The following RAPGEF4 variants were observed in gnomAD, a reference collection of about 807,000 sequenced individuals.
RAPGEF4 encodes RAP guanine-nucleotide-exchange factor (GEF) 4.
In RAPGEF4, 66 loss-of-function variants were observed where a neutral mutation model predicts 147.9. That is an observed-to-expected ratio of 0.45 (90% CI 0.37 to 0.55). The LOEUF (loss-of-function observed/expected upper bound fraction) is 0.55, where lower values mean the gene tolerates loss of function less well. Among genes scored for constraint, RAPGEF4 ranks in the 20% least tolerant of loss-of-function variants. The pLI, the probability that RAPGEF4 is intolerant of heterozygous loss-of-function variation, is 0.00. For missense variants in RAPGEF4, 1,071 were observed against 1,257.3 expected (o/e 0.85, Z 2.24); for synonymous variants, 419 against 442.7 (o/e 0.95, Z 0.67).
chr2:172,999,041 C>T (rs1282708557), intron 16 of RAPGEF4, among the ~76,000 whole-genome samples: 1 of 152,046 alleles, frequency 6.6e-6, no homozygotes, highest in Non-Finnish European at 1.5e-5. Context: ...AATTACTGTT[C>T]CTTGCAGAGC....
chr2:172,971,369 A>C (rs10497388), intron 10 of RAPGEF4, among the ~76,000 whole-genome samples: 5,943 of 152,274 alleles, frequency 0.039, 166 homozygotes, highest in South Asian at 0.067. Flanking sequence ...CCAAATCAAA[A>C]TTTAGGTCTG....
chr2:172,969,935 G>A (rs949619470), intron 10 of RAPGEF4, among the ~76,000 whole-genome samples: 2 of 151,988 alleles, frequency 1.3e-5, no homozygotes, highest in African/African-American at 2.4e-5. Flanking sequence ...CCATTATATC[G>A]CTAGTTGTTA....
At chr2:172,923,321 T>C (rs2150057861) in intron 6 of RAPGEF4, among the ~76,000 whole-genome samples, 1 of 152,238 alleles carries the variant, frequency 6.6e-6, no homozygotes, top group South Asian at 2.1e-4. Context: ...CAGGCTGGAG[T>C]GCAGTGGTGC....
intron 22 of RAPGEF4, 25 bp downstream of exon 22, chr2:173,018,827 G>C: frequency 6.2e-7 from 1 of 1,606,808 alleles, no homozygotes; most frequent in Non-Finnish European, 8.5e-7. Flanking sequence ...TCATATTTTA[G>C]GCTCTGCAAA....
chr2:172,880,195 C>A (rs1213233434), intron 4 of RAPGEF4, among the ~76,000 whole-genome samples: 8 of 152,188 alleles, frequency 5.3e-5, no homozygotes, highest in Non-Finnish European at 8.8e-5. Context: ...CCTCACTTCC[C>A]TGATGCCCCA....
intron 4 of RAPGEF4, among the ~76,000 whole-genome samples, chr2:172,847,843 A>G (rs1042136864): frequency 2.6e-5 from 4 of 152,214 alleles, no homozygotes; most frequent in Admixed American, 2.0e-4. Flanking sequence ...TAGCCTTGTC[A>G]TCTTGGGACA....
intron 4 of RAPGEF4, among the ~76,000 whole-genome samples, chr2:172,871,536 A>G (rs954282438): frequency 2.6e-5 from 4 of 152,068 alleles, no homozygotes; most frequent in Non-Finnish European, 4.4e-5. Context: ...TCTCTTTGCC[A>G]GGGCCTTCAG....
intron 25 of RAPGEF4, among the ~76,000 whole-genome samples, chr2:173,028,558 T>TAC (rs1491513288): frequency 5.9e-5 from 9 of 151,718 alleles, no homozygotes; most frequent in Admixed American, 5.9e-4. Context: ...GACTTTTTTT[T>TAC]ATATATATAT....
intron 6 of RAPGEF4, among the ~76,000 whole-genome samples, chr2:172,955,707 G>A (rs986715000): frequency 1.3e-5 from 2 of 152,214 alleles, no homozygotes; most frequent in African/African-American, 4.8e-5. Flanking sequence ...GCTCTAGGAA[G>A]CAAACCGAGC....
At chr2:172,778,844 A>G (rs1193761628) in intron 1 of RAPGEF4, among the ~76,000 whole-genome samples, 1 of 152,216 alleles carries the variant, frequency 6.6e-6, no homozygotes, top group Non-Finnish European at 1.5e-5. Flanking sequence ...GTCCTGGTGT[A>G]TAAATAAGCT....
chr2:173,004,140 C>G (rs1012185034), intron 17 of RAPGEF4, among the ~76,000 whole-genome samples: 2 of 152,174 alleles, frequency 1.3e-5, no homozygotes, highest in Non-Finnish European at 2.9e-5. Context: ...TATTTCTGTT[C>G]TTAATCCACA....
At chr2:172,879,199 A>C (rs1474437848) in intron 4 of RAPGEF4, among the ~76,000 whole-genome samples, 1 of 152,192 alleles carries the variant, frequency 6.6e-6, no homozygotes, top group Non-Finnish European at 1.5e-5. Context: ...ATCATAATTC[A>C]TGCTTAACTT....
intron 24 of RAPGEF4, 130 bp downstream of exon 24, chr2:173,026,827 C>A: frequency 7.8e-7 from 1 of 1,280,918 alleles, no homozygotes; most frequent in Non-Finnish European, 1.1e-6. Context: ...GCATACTGAG[C>A]TTATAAATAA....
intron 29 of RAPGEF4, among the ~76,000 whole-genome samples, chr2:173,045,085 G>C (rs111319150): frequency 6.6e-6 from 1 of 152,138 alleles, no homozygotes. Context: ...GCTAGACTGC[G>C]AGCACCAATG....
At chr2:172,990,957 A>G in intron 15 of RAPGEF4, 32 bp downstream of exon 15, 1 of 1,459,672 alleles carries the variant, frequency 6.9e-7, no homozygotes, top group Non-Finnish European at 9.6e-7. Context: ...TAATTGCCAG[A>G]CTATGATTAA....
intron 3 of RAPGEF4, among the ~76,000 whole-genome samples, chr2:172,812,374 C>G (rs1304797645): frequency 6.6e-6 from 1 of 152,178 alleles, no homozygotes; most frequent in African/African-American, 2.4e-5. Context: ...GTCGGCAGCA[C>G]TACCGTGATG....
Position 173,051,778 on chromosome 2 carries a change from T to G in RAPGEF4, c.*11T>G. 1 of 1,612,998 alleles carries G rather than the reference T, an allele frequency of 6.2e-7. No homozygotes were observed. The highest frequency in any genetic ancestry group is 2.2e-5 in the East Asian group (1 of 44,860). ...CCTCGTCGACCATAGACATTTCAAA[T>G]GCCCAAAGCAACAGTTTGTCTCCAG... On this transcript the variant is annotated 3_prime_UTR_variant, in exon 31 of 31. Coordinates refer to ENST00000397081, the MANE Select transcript of RAPGEF4 (RefSeq NM_007023.4).
At chr2:172,986,198 T>G (rs1188095006) in intron 12 of RAPGEF4, among the ~76,000 whole-genome samples, 6 of 152,236 alleles carry the variant, frequency 3.9e-5, no homozygotes, top group Non-Finnish European at 7.3e-5. Context: ...TCTTGCAGAA[T>G]CACAGGACAC....
At chr2:172,792,689 C>T (rs1024171664) in intron 1 of RAPGEF4, among the ~76,000 whole-genome samples, 1 of 152,212 alleles carries the variant, frequency 6.6e-6, no homozygotes, top group Admixed American at 6.5e-5. Flanking sequence ...CACTTAGTGA[C>T]AGATCATCTA....
Sources: allele counts gnomAD v4.1 joint callset (sites outside exome capture counted in the v4.1 genomes callset), GRCh38; gene constraint gnomAD v4.1.1; transcripts MANE v1.5; gene names NCBI Gene and HGNC (gene_info 2026-07-23, HGNC 2026-07-21).